Variants in SLC6A7 observed in about 807,000 individuals in gnomAD.
The protein encoded by SLC6A7 is sodium-dependent proline transporter.
SLC6A7 carries 58 observed loss-of-function variants against 73.1 expected under a neutral mutation model. That is an observed-to-expected ratio of 0.79 (90% CI 0.64 to 0.99). SLC6A7 has a LOEUF of 0.99. SLC6A7 is among the 50% of genes least tolerant of loss of function. The pLI is 0.00. For missense variants in SLC6A7, 783 were observed against 831.4 expected, an observed-to-expected ratio of 0.94 and a Z score of 0.72; for synonymous variants, 338 against 338.7, an observed-to-expected ratio of 1.00 and a Z score of 0.02.
In SLC6A7 at chr5:150,198,117, G is replaced by GAAAGAAAGAAGGAAAGAA. The variant is rs1753166742; in HGVS notation, c.584+851_584+852insGGAAAGAAAAAGAAAGAA. On this transcript the variant is annotated intron_variant, in intron 4 of 13. Coordinates refer to ENST00000230671, the MANE Select transcript of SLC6A7 (RefSeq NM_014228.5). Reference sequence around the variant, plus strand: ...AAAGAAAGAAAGAAAGAAAGAAAGAGAAAGAAAGAAAGAAAGAAAGAAAGC... The same window carrying GAAAGAAAGAAGGAAAGAA: ...AAAGAAAGAAAGAAAGAAAGAAAGAGAAAGAAAGAAGGAAAGAAAAAGAAAGAAAGAAAGAAAGAAAGC... Among the ~76,000 whole-genome samples the GAAAGAAAGAAGGAAAGAA allele has an allele frequency of 2.2e-3, 128 of 57,626 alleles. 5 individuals are homozygous for GAAAGAAAGAAGGAAAGAA. The highest frequency in any genetic ancestry group is 4.1e-3 in the African/African-American group (115 of 28,008). The allele number at this position is 57,626 out of a possible 152,430, so 37.8% of individuals were successfully genotyped here.
Position 150,205,470 on chromosome 5 carries a change from T to G in SLC6A7, c.1548T>G (p.Tyr516Ter). The G allele has an allele frequency of 6.2e-7, 1 of 1,607,104 alleles. No individual in the cohort carries two copies. Among genetic ancestry groups the G allele is most frequent in the Non-Finnish European group, 8.5e-7 (1 of 1,176,618 alleles). ...SPATLLALMVYSIVKYQPSEY... is the reference protein window; with the variant it reads ...SPATLLALMV The stretch of plus-strand genomic sequence containing the variant: ...CCACTCTGCAGGCCCTCATGGTGTA[T>G]AGCATCGTCAAGTACCAGCCCTCGG... The change falls in exon 13 of 14, where the codon TAT becomes TAG. Residue 516 changes from tyrosine to a stop codon, truncating the protein, a stop_gained. Coordinates refer to ENST00000230671, the MANE Select transcript of SLC6A7 (RefSeq NM_014228.5). LOFTEE classifies it high-confidence loss of function.
In SLC6A7 at chr5:150,194,814, G is replaced by A. The variant is rs747053652; in HGVS notation, c.120G>A (p.Trp40Ter). Residue 40 changes from tryptophan (W) to a stop codon, truncating the protein, a stop_gained, in exon 2 of 14, where the codon TGG becomes TGA. Coordinates refer to ENST00000230671, the MANE Select transcript of SLC6A7 (RefSeq NM_014228.5). LOFTEE classifies it high-confidence loss of function. ...ACTTTGCTGCACACCGGGGGAACTG[G>A]ACAGGCAAGCTGGACTTCCTGCTGT... is the stretch of plus-strand genomic sequence containing the variant. Reference protein sequence around the residue: ...DVDFAAHRGNWTGKLDFLLSC... With the variant: ...DVDFAAHRGN 3.1e-6 allele frequency: 5 copies of A among 1,614,064 alleles called. No individual in the cohort carries two copies. Among genetic ancestry groups the A allele is most frequent in the South Asian group, 1.1e-5 (1 of 91,084 alleles).
rs1197388998 is a variant in SLC6A7, at chr5:150,202,399, G to C, written c.911G>C (p.Gly304Ala). ...QIFYSLGVGF[G>A]GLLTFASYNT... is the part of the protein sequence containing the mutation. ...TTCTATTCCCTGGGTGTGGGCTTCG[G>C]GGGGCTCCTCACCTTTGCCTCCTAC... The change falls in exon 7 of 14, where the codon GGG becomes GCG. Residue 304 changes from glycine to alanine, a missense_variant. By Grantham distance (60) the Gly-to-Ala change is moderately conservative. Transcript: ENST00000230671. The C allele has an allele frequency of 6.2e-7, 1 of 1,614,072 alleles. No homozygotes were observed. The highest frequency in any genetic ancestry group is 1.3e-5 in the African/African-American group (1 of 74,922).
chr5:150,202,433 TCAC>T lies in SLC6A7; in HGVS notation c.948_950del (p.His316del). ...TCACCTTTGCCTCCTACAACACGTT[TCAC>T]CAGAACATCTATAGGTCAGTGTCCC... On this transcript the variant is annotated inframe_deletion, in exon 7 of 14. Transcript: ENST00000230671. The T allele has an allele frequency of 2.5e-6, 4 of 1,614,038 alleles. No homozygotes were observed. The East Asian group carries it at 8.9e-5, about 36-fold the overall frequency.
At position 150,194,874 on chromosome 5, in the gene SLC6A7, C is replaced by T; in HGVS notation, c.180C>T (p.Val60=). The T allele has an allele frequency of 6.2e-7, 1 of 1,614,148 alleles. No individual in the cohort carries two copies. Among genetic ancestry groups the T allele is most frequent in the Middle Eastern group, 1.7e-4 (1 of 6,058 alleles). The change falls in exon 2 of 14, where the codon GTC becomes GTT. Residue 60 remains valine, a synonymous_variant. Coordinates refer to ENST00000230671, the MANE Select transcript of SLC6A7 (RefSeq NM_014228.5). The part of the protein sequence containing the change: ...CIGYCVGLGN[V]WRFPYRAYTN... ...GCTACTGTGTAGGCCTGGGGAATGT[C>T]TGGCGCTTCCCCTATCGAGCGTACA...
In SLC6A7 at chr5:150,190,137, G is replaced by A; in HGVS notation, c.-191G>A. On this transcript the variant is annotated 5_prime_UTR_variant, in exon 1 of 14. Transcript: ENST00000230671. Reference sequence around the variant, plus strand: ...CAGCCTCGGGCGCTGCGCAGGGACAGACAAGGCATTCGCAGCGCCCTGCCC... The same window carrying A: ...CAGCCTCGGGCGCTGCGCAGGGACAAACAAGGCATTCGCAGCGCCCTGCCC... 1 of 492,154 alleles carries A rather than the reference G, an allele frequency of 2.0e-6. No individual in the cohort carries two copies. 30.5% of individuals were successfully genotyped at this position (492,154 alleles called of 1,614,324 possible).
rs1752719454 is a variant in SLC6A7, at chr5:150,190,376, G to A, written c.33+16G>A. ...CCTCCGCAAGGTAGGGCACGAGGGC[G>A]GGGGCGCTGGGGGTGCACCTGGAGG... On this transcript the variant is annotated intron_variant, in intron 1 of 13. Coordinates refer to ENST00000230671, the MANE Select transcript of SLC6A7 (RefSeq NM_014228.5). 3 of 1,479,208 alleles carry A rather than the reference G, an allele frequency of 2.0e-6. No individual in the cohort carries two copies. The highest frequency in any genetic ancestry group is 2.7e-6 in the Non-Finnish European group (3 of 1,114,898). 91.6% of individuals were successfully genotyped at this position (1,479,208 alleles called of 1,614,324 possible).
Position 150,197,129 on chromosome 5 carries a change from C to T in SLC6A7, c.437C>T (p.Ala146Val). ...GCCTACGTGCTCTTCTACCTCTTCG[C>T]CTCCCTCACCAGCGACCTACCCTGG... is the stretch of plus-strand genomic sequence containing the variant. ...IIAYVLFYLF[A>V]SLTSDLPWEH... The change falls in exon 4 of 14, where the codon GCC becomes GTC. Residue 146 changes from alanine (A) to valine (V), a missense_variant. Coordinates refer to ENST00000230671, the MANE Select transcript of SLC6A7 (RefSeq NM_014228.5). 1 of 1,614,144 alleles carries T rather than the reference C, an allele frequency of 6.2e-7. No homozygotes were observed. The highest frequency in any genetic ancestry group is 1.3e-5 in the African/African-American group (1 of 75,060).
At chr5:150,204,190 G>A (rs1753559471) in intron 10 of SLC6A7, 152 bp downstream of exon 10, 1 of 785,534 alleles carries the variant, frequency 1.3e-6, no homozygotes, top group Non-Finnish European at 2.0e-6. Context: ...TCCCAAGGGA[G>A]GCAGTTTGGC....
chr5:150,195,780 A>G (rs1341512641), intron 2 of SLC6A7, among the ~76,000 whole-genome samples: 3 of 152,254 alleles, frequency 2.0e-5, no homozygotes, highest in African/African-American at 7.2e-5. Flanking sequence ...ATAAATTTAC[A>G]TGACTAGGAT....
At chr5:150,208,431 G>A (rs752045272) in intron 13 of SLC6A7, among the ~76,000 whole-genome samples, 3 of 152,178 alleles carry the variant, frequency 2.0e-5, no homozygotes, top group South Asian at 2.1e-4. Context: ...AGGGGGTGGA[G>A]AGAACTGGTG....
intron 13 of SLC6A7, among the ~76,000 whole-genome samples, chr5:150,208,284 CT>C: frequency 6.6e-6 from 1 of 152,114 alleles, no homozygotes; most frequent in Non-Finnish European, 1.5e-5. Context: ...TGGCACCTGA[CT>C]AACCGGACAG....
Position 150,202,455 on chromosome 5 carries a change from G to C in SLC6A7, c.962+5G>C, listed in dbSNP as rs747237688. The C allele has an allele frequency of 6.2e-7, 1 of 1,613,236 alleles. No individual in the cohort carries two copies. The highest frequency in any genetic ancestry group is 8.5e-7 in the Non-Finnish European group (1 of 1,179,116). On this transcript the variant is annotated splice_donor_5th_base_variant and intron_variant, in intron 7 of 13. Coordinates refer to ENST00000230671, the MANE Select transcript of SLC6A7 (RefSeq NM_014228.5). ...GTTTCACCAGAACATCTATAGGTCA[G>C]TGTCCCACAGCCTCCCAGACCCTGG... is the stretch of plus-strand genomic sequence containing the variant.
At chr5:150,194,101 T>C (rs1752902565) in intron 1 of SLC6A7, among the ~76,000 whole-genome samples, 1 of 152,206 alleles carries the variant, frequency 6.6e-6, no homozygotes, top group Non-Finnish European at 1.5e-5. Flanking sequence ...ATCATCATCA[T>C]GCTCTTCATC....
intron 1 of SLC6A7, among the ~76,000 whole-genome samples, chr5:150,192,750 G>A (rs765551723): frequency 5.9e-5 from 9 of 152,174 alleles, no homozygotes; most frequent in South Asian, 4.1e-4. Context: ...AACCGGGACC[G>A]CTCCATGAGC....
chr5:150,200,611 A>G (rs1172445518), intron 5 of SLC6A7, among the ~76,000 whole-genome samples: 1 of 152,254 alleles, frequency 6.6e-6, no homozygotes, highest in East Asian at 1.9e-4. Context: ...TTTACAAGGA[A>G]CAGAGCCATT....
In SLC6A7 at chr5:150,197,060, T is replaced by C; in HGVS notation, c.368T>C (p.Leu123Pro). The change falls in exon 4 of 14, where the codon CTG (leucine) becomes CCG (proline). Residue 123 changes from leucine to proline, a missense_variant. Leu to Pro is a moderately conservative substitution (Grantham distance 98). Transcript: ENST00000230671. ...ACACCAGGCGCCGGCGCAGCCATGC[T>C]GCTCATCGTGGGCTTGGTGGCCATC... ...PLFKGAGAAMLLIVGLVAIYY... is the reference protein window; with the variant it reads ...PLFKGAGAAMPLIVGLVAIYY... The C allele has an allele frequency of 6.2e-7, 1 of 1,614,038 alleles. No individual in the cohort carries two copies. Among genetic ancestry groups the C allele is most frequent in the Non-Finnish European group, 8.5e-7 (1 of 1,179,978 alleles).
intron 4 of SLC6A7, among the ~76,000 whole-genome samples, chr5:150,198,056 AAAG>A (rs1753131192): frequency 3.6e-5 from 2 of 55,698 alleles, no homozygotes; most frequent in Admixed American, 1.4e-4. Flanking sequence ...AAAGAGAAAG[AAAG>A]AAAGAAAGAA....
At position 150,194,651 on chromosome 5, in the gene SLC6A7, A is replaced by C. The variant is rs1410012018; in HGVS notation, c.34-77A>C. ...TTTTCATTTAGCCCTGTTCAATTCC[A>C]GAGTCTTGTCTTGAGGTCACATTTC... On this transcript the variant is annotated intron_variant, in intron 1 of 13. Coordinates refer to ENST00000230671, the MANE Select transcript of SLC6A7 (RefSeq NM_014228.5). 16 of 1,054,880 alleles carry C rather than the reference A, an allele frequency of 1.5e-5. No individual in the cohort carries two copies. In the South Asian group the frequency reaches 1.9e-4, roughly 12 times the overall value. The allele number at this position is 1,054,880 out of a possible 1,614,324, so 65.3% of individuals were successfully genotyped here.
Sources: allele counts gnomAD v4.1 joint callset (sites outside exome capture counted in the v4.1 genomes callset), GRCh38; gene constraint gnomAD v4.1.1; transcripts MANE v1.5; gene names NCBI Gene and HGNC (gene_info 2026-07-23, HGNC 2026-07-21).